ATP8A1: variants seen among roughly 807,000 people sequenced by gnomAD.
The protein encoded by ATP8A1 is ATPase phospholipid transporting 8A1.
In ATP8A1, 90 loss-of-function variants were observed where a neutral mutation model predicts 177.7. That is an observed-to-expected ratio of 0.51 (90% CI 0.43 to 0.60). The LOEUF (loss-of-function observed/expected upper bound fraction) is 0.60. ATP8A1 is among the 20% of genes least tolerant of loss of function. The pLI, the probability that ATP8A1 is intolerant of heterozygous loss-of-function variation, is 0.00. For missense variants in ATP8A1, 1,072 were observed against 1,392.8 expected (o/e 0.77, Z 3.67); for synonymous variants, 493 against 485.9 (o/e 1.01, Z -0.19).
intron 33 of ATP8A1, among the ~76,000 whole-genome samples, chr4:42,430,368 T>A (rs926745535): frequency 2.0e-5 from 3 of 152,078 alleles, no homozygotes; most frequent in Admixed American, 2.0e-4. Flanking sequence ...AGATCGTGAC[T>A]CCTTGGCTCA....
At chr4:42,535,409 T>C (rs899092799) in intron 20 of ATP8A1, among the ~76,000 whole-genome samples, 5 of 151,976 alleles carry the variant, frequency 3.3e-5, no homozygotes, top group African/African-American at 1.2e-4. Context: ...CAACAGGAAA[T>C]ATCACAATCC....
At chr4:42,472,161 A>G in intron 25 of ATP8A1, 1 of 624,904 alleles carries the variant, frequency 1.6e-6, no homozygotes, top group Non-Finnish European at 3.1e-6. Context: ...AAAACATCCT[A>G]GGAGCTGTAT....
chr4:42,648,381 G>A (rs886875861), intron 1 of ATP8A1, among the ~76,000 whole-genome samples: 1 of 151,786 alleles, frequency 6.6e-6, no homozygotes, highest in African/African-American at 2.4e-5. Flanking sequence ...TGGGGGGAAG[G>A]GAAAGAGAGA....
chr4:42,627,237 T>C (rs1738203809), intron 1 of ATP8A1, 128 bp from the exon 2 acceptor site: 1 of 638,734 alleles, frequency 1.6e-6, no homozygotes, highest in Non-Finnish European at 2.7e-6. Context: ...TTGTTTCTTT[T>C]ATAATAAAAA....
At chr4:42,493,431 C>G (rs1488007474) in intron 24 of ATP8A1, among the ~76,000 whole-genome samples, 1 of 152,198 alleles carries the variant, frequency 6.6e-6, no homozygotes, top group Non-Finnish European at 1.5e-5. Context: ...TTACTTAAGA[C>G]AGCAAGAACT....
At chr4:42,597,001 C>T (rs1734786091) in intron 6 of ATP8A1, among the ~76,000 whole-genome samples, 1 of 152,176 alleles carries the variant, frequency 6.6e-6, no homozygotes, top group South Asian at 2.1e-4. Flanking sequence ...AACTATGTAT[C>T]TGCAAGTTAA....
intron 5 of ATP8A1, among the ~76,000 whole-genome samples, chr4:42,604,002 C>T (rs1423156849): frequency 6.6e-6 from 1 of 152,204 alleles, no homozygotes; most frequent in Non-Finnish European, 1.5e-5. Context: ...TATGAAGCAG[C>T]TCTTGCCTCT....
At chr4:42,488,028 G>A (rs552600710) in intron 24 of ATP8A1, among the ~76,000 whole-genome samples, 5 of 152,058 alleles carry the variant, frequency 3.3e-5, no homozygotes, top group Non-Finnish European at 5.9e-5. Context: ...GGCCCAAGAG[G>A]ACTTAAAGAA....
intron 15 of ATP8A1, among the ~76,000 whole-genome samples, chr4:42,567,645 A>C (rs1731491093): frequency 6.6e-6 from 1 of 152,256 alleles, no homozygotes; most frequent in Non-Finnish European, 1.5e-5. Flanking sequence ...GAAATGTACA[A>C]GCAATTTATG....
chr4:42,527,114 G>T (rs1182929097), intron 20 of ATP8A1, among the ~76,000 whole-genome samples: 1 of 152,222 alleles, frequency 6.6e-6, no homozygotes, highest in African/African-American at 2.4e-5. Context: ...TGAACTCAGG[G>T]ATTCTATCTC....
At chr4:42,630,466 G>A (rs983211202) in intron 1 of ATP8A1, among the ~76,000 whole-genome samples, 3 of 152,154 alleles carry the variant, frequency 2.0e-5, no homozygotes, top group East Asian at 1.9e-4. Context: ...GGCGAGTGCC[G>A]TTCTTGATCT....
At chr4:42,647,311 A>G (rs1473120652) in intron 1 of ATP8A1, among the ~76,000 whole-genome samples, 1 of 152,208 alleles carries the variant, frequency 6.6e-6, no homozygotes, top group Non-Finnish European at 1.5e-5. Context: ...CTAACAAGTA[A>G]GCATATGCTA....
intron 10 of ATP8A1, among the ~76,000 whole-genome samples, chr4:42,580,717 T>G (rs1260879294): frequency 1.3e-5 from 2 of 152,244 alleles, no homozygotes; most frequent in Non-Finnish European, 2.9e-5. Flanking sequence ...TACAAAGGTA[T>G]TAGCTCTGAG....
chr4:42,604,936 T>C (rs1735646272), intron 5 of ATP8A1, among the ~76,000 whole-genome samples: 1 of 152,244 alleles, frequency 6.6e-6, no homozygotes. Flanking sequence ...ACGTATTGTA[T>C]GATCCCATGT....
chr4:42,555,245 T>C, intron 16 of ATP8A1, among the ~76,000 whole-genome samples: 1 of 151,710 alleles, frequency 6.6e-6, no homozygotes, highest in Non-Finnish European at 1.5e-5. Context: ...AGTCAGTAAC[T>C]TCATAAGCAG....
intron 14 of ATP8A1, among the ~76,000 whole-genome samples, chr4:42,569,411 A>G (rs1420160734): frequency 6.6e-6 from 1 of 152,234 alleles, no homozygotes; most frequent in East Asian, 1.9e-4. Flanking sequence ...TTACAAAGTT[A>G]TCCTGTAACT....
At chr4:42,506,041 C>A (rs1166119136) in intron 23 of ATP8A1, among the ~76,000 whole-genome samples, 1 of 152,180 alleles carries the variant, frequency 6.6e-6, no homozygotes, top group African/African-American at 2.4e-5. Flanking sequence ...CCACTCATCC[C>A]AATTCCTATG....
rs902346357 is a variant in ATP8A1, at chr4:42,657,018, G to T, written c.-145C>A. Reference sequence around the variant, plus strand: ...GCCCACCTAGGGCAGAGCTGCCGCCGGGCGCGGCCCCCGCACGCCGACAGG... The same window carrying T: ...GCCCACCTAGGGCAGAGCTGCCGCCTGGCGCGGCCCCCGCACGCCGACAGG... On this transcript the variant is annotated 5_prime_UTR_variant, in exon 1 of 37. Coordinates refer to ENST00000381668, the MANE Select transcript of ATP8A1 (RefSeq NM_006095.2). 1.2e-6 allele frequency: 1 copy of T among 823,076 alleles called. No homozygotes were observed. The highest frequency in any genetic ancestry group is 1.8e-5 in the African/African-American group (1 of 56,182). 51.0% of individuals were successfully genotyped at this position (823,076 alleles called of 1,614,324 possible).
chr4:42,651,621 C>T lies in ATP8A1; in HGVS notation c.49+5204G>A, dbSNP rs370768202. Among the ~76,000 whole-genome samples, 26 of 152,262 alleles carry T rather than the reference C, an allele frequency of 1.7e-4. No individual in the cohort carries two copies. The East Asian group carries it at 1.7e-3, about 10-fold the overall frequency. ...CCCAGCTTGCCCTGCAAGTGGAAAC[C>T]AATGCAAAATAAGCATTAGTTTTTG... is the stretch of plus-strand genomic sequence containing the variant. On this transcript the variant is annotated intron_variant, in intron 1 of 36. Transcript: ENST00000381668.
Sources: allele counts gnomAD v4.1 joint callset (sites outside exome capture counted in the v4.1 genomes callset), GRCh38; gene constraint gnomAD v4.1.1; transcripts MANE v1.5; gene names NCBI Gene and HGNC (gene_info 2026-07-23, HGNC 2026-07-21).